Variants in ING1 observed in about 807,000 individuals in gnomAD.
ING1 encodes inhibitor of growth family member 1.
In ING1, 4 loss-of-function variants were observed where a neutral mutation model predicts 23.1. That is an observed-to-expected ratio of 0.17 (90% CI 0.09 to 0.40). ING1 has a LOEUF of 0.40. ING1 is among the 10% of genes least tolerant of loss of function. The pLI is 1.00. For synonymous variants in ING1, 179 were observed against 166.4 expected, an observed-to-expected ratio of 1.08 and a Z score of -0.58; for missense variants, 256 against 393.8, an observed-to-expected ratio of 0.65 and a Z score of 2.96.
intron 1 of ING1, chr13:110,715,678 GC>G: frequency 6.2e-7 from 1 of 1,605,090 alleles, no homozygotes; most frequent in Non-Finnish European, 8.5e-7. Flanking sequence ...GTGCTCTTCC[GC>G]CCTGCGGTGT....
rs1441153988 is a variant in ING1 at position 110,720,751 on chromosome 13, A to G, written c.*819A>G. The G allele has an allele frequency of 6.0e-6, 1 of 167,168 alleles. No homozygotes were observed. Among genetic ancestry groups the G allele is most frequent in the African/African-American group, 2.4e-5 (1 of 41,484 alleles). The allele number at this position is 167,168 out of a possible 1,614,324, so 10.4% of individuals were successfully genotyped here. ...AGCTGTAAAAATGTTACGTGAAGAA[A>G]TAAATGAAACTTGGCCAGTTTGTTC... is the stretch of plus-strand genomic sequence containing the variant. On this transcript the variant is annotated 3_prime_UTR_variant, in exon 2 of 2. Transcript: ENST00000333219.
At chr13:110,713,362 G>T (rs2064061181), upstream of ING1, 1 of 1,070,290 alleles carries the variant, frequency 9.3e-7, no homozygotes, top group Non-Finnish European at 1.1e-6. Context: ...TTTCAGCGAA[G>T]CAGGCCGCTC....
intron 1 of ING1, among the ~76,000 whole-genome samples, chr13:110,718,616 T>A (rs1357462474): frequency 6.6e-6 from 1 of 152,190 alleles, no homozygotes; most frequent in African/African-American, 2.4e-5. Flanking sequence ...AGCTATTATA[T>A]AAATTTATAC....
chr13:110,712,727 G>T (rs1005708358), upstream of ING1: 18 of 696,460 alleles, frequency 2.6e-5, no homozygotes, highest in Non-Finnish European at 4.5e-5. Flanking sequence ...TTCCAAGTGT[G>T]GGGAGCGGCC....
rs1243372930 is a variant in ING1 at position 110,722,263 on chromosome 13, A to G, written c.*2331A>G. ...TAAGAGTCTCGGGTGTTTAAATTTG[A>G]TGAGATTTACCCAAACAAATAGTGA... On this transcript the variant is annotated 3_prime_UTR_variant, in exon 2 of 2. Transcript: ENST00000333219. The G allele has an allele frequency of 6.6e-6, 1 of 152,198 alleles. No homozygotes were observed. The highest frequency in any genetic ancestry group is 1.5e-5 in the Non-Finnish European group (1 of 68,050). 9.4% of individuals were successfully genotyped at this position (152,198 alleles called of 1,614,324 possible).
chr13:110,714,364 C>G, intron 1 of ING1, 79 bp downstream of exon 1: 1 of 1,325,244 alleles, frequency 7.5e-7, no homozygotes, highest in Non-Finnish European at 9.7e-7. Flanking sequence ...CCGGGCCGGT[C>G]CTGCCGTGGA....
chr13:110,717,553 A>G (rs1309051855), intron 1 of ING1, among the ~76,000 whole-genome samples: 1 of 152,178 alleles, frequency 6.6e-6, no homozygotes, highest in Non-Finnish European at 1.5e-5. Flanking sequence ...TTGGCCAGGC[A>G]CGGTGGCTCA....
Position 110,720,054 on chromosome 13 carries a change from C to G in ING1, c.*122C>G. 3 of 722,236 alleles carry G rather than the reference C, an allele frequency of 4.2e-6. No homozygotes were observed. The highest frequency in any genetic ancestry group is 4.4e-6 in the Non-Finnish European group (2 of 456,572). 44.7% of individuals were successfully genotyped at this position (722,236 alleles called of 1,614,324 possible). ...TTTTAAAGAATGTTAGTAAAGGAAC[C>G]ATTCCTTTCATAGGGATGGCAGTGA... On this transcript the variant is annotated 3_prime_UTR_variant, in exon 2 of 2. Coordinates refer to ENST00000333219, the MANE Select transcript of ING1 (RefSeq NM_198219.3).
chr13:110,718,148 G>C (rs1324591015), intron 1 of ING1, among the ~76,000 whole-genome samples: 1 of 152,182 alleles, frequency 6.6e-6, no homozygotes, highest in African/African-American at 2.4e-5. Context: ...ACATTTTAAA[G>C]TCCATTGACT....
At position 110,719,272 on chromosome 13, in the gene ING1, C is replaced by T. The variant is rs921737582; in HGVS notation, c.180C>T (p.Arg60=). ...ACGAGTGCTACGAGCGCTTCAGTCG[C>T]GAGACAGACGGGGCGCAGAAGCGGC... ...ELDECYERFS[R]ETDGAQKRRM... The change falls in exon 2 of 2, where the codon CGC becomes CGT. Residue 60 remains arginine, a synonymous_variant. Coordinates refer to ENST00000333219, the MANE Select transcript of ING1 (RefSeq NM_198219.3). This position sits in a 1 kb window ranked among gnomAD's most constrained non-coding sequence, Gnocchi z 8.9. The T allele has an allele frequency of 1.9e-6, 3 of 1,612,418 alleles. No individual in the cohort carries two copies. The highest frequency in any genetic ancestry group is 2.5e-6 in the Non-Finnish European group (3 of 1,179,972).
intron 1 of ING1, chr13:110,715,838 C>A (rs761142165): frequency 1.9e-6 from 3 of 1,589,912 alleles, no homozygotes; most frequent in Non-Finnish European, 1.7e-6. Flanking sequence ...CCGCTCAGCC[C>A]GGCCACTTTC....
intron 1 of ING1, chr13:110,716,023 C>A: frequency 7.4e-6 from 11 of 1,490,028 alleles, no homozygotes; most frequent in Non-Finnish European, 9.7e-6. Context: ...GTGACTGGGG[C>A]TGCGTCCACG....
At chr13:110,716,105 C>A in intron 1 of ING1, 1 of 1,298,638 alleles carries the variant, frequency 7.7e-7, no homozygotes, top group Non-Finnish European at 1.0e-6. Context: ...GTGGGGTGAC[C>A]CTGGGGCTCC....
intron 1 of ING1, chr13:110,715,185 A>G: frequency 1.6e-6 from 2 of 1,226,618 alleles, no homozygotes; most frequent in Non-Finnish European, 2.0e-6. Flanking sequence ...AGGTCAGTCA[A>G]GGCTTTGGGG....
chr13:110,713,949 G>A lies in ING1; in HGVS notation c.-201G>A. On this transcript the variant is annotated 5_prime_UTR_variant, in exon 1 of 2. Coordinates refer to ENST00000333219, the MANE Select transcript of ING1 (RefSeq NM_198219.3). Reference sequence around the variant, plus strand: ...GGGAGCCACCGCCACCGCGGCCCGCGCCCTCAGGCGCTGGGGTCCCCGCGG... The same window carrying A: ...GGGAGCCACCGCCACCGCGGCCCGCACCCTCAGGCGCTGGGGTCCCCGCGG... 9.8e-7 allele frequency: 1 copy of A among 1,016,710 alleles called. No individual in the cohort carries two copies. The highest frequency in any genetic ancestry group is 1.2e-6 in the Non-Finnish European group (1 of 851,286). 63.0% of individuals were successfully genotyped at this position (1,016,710 alleles called of 1,614,324 possible).
intron 1 of ING1, chr13:110,715,798 G>A: frequency 6.3e-7 from 1 of 1,586,228 alleles, no homozygotes; most frequent in Non-Finnish European, 8.5e-7. Flanking sequence ...TTGGCTGGAG[G>A]CCTGGCGGGT....
chr13:110,712,956 T>C, upstream of ING1: 5 of 1,558,712 alleles, frequency 3.2e-6, no homozygotes, highest in Non-Finnish European at 4.3e-6. Flanking sequence ...CTGCTGGGAG[T>C]GGTGGTCCGG....
In ING1 at chr13:110,719,609, T is replaced by C; in HGVS notation, c.517T>C (p.Ser173Pro). The C allele has an allele frequency of 6.2e-7, 1 of 1,611,414 alleles. No homozygotes were observed. The highest frequency in any genetic ancestry group is 8.5e-7 in the Non-Finnish European group (1 of 1,179,406). Reference sequence around the variant, plus strand: ...CAACCACGACCACGACGACGGCGCCTCGGGCACACCCAAGGAGAAGAAGGC... The same window carrying C: ...CAACCACGACCACGACGACGGCGCCCCGGGCACACCCAAGGAGAAGAAGGC... ...SSNHDHDDGA[S>P]GTPKEKKAKT... The change falls in exon 2 of 2, where the codon TCG becomes CCG. Residue 173 changes from serine (S) to proline (P), a missense_variant. Coordinates refer to ENST00000333219, the MANE Select transcript of ING1 (RefSeq NM_198219.3). The surrounding 1 kb of genome is among the most constrained non-coding windows in gnomAD (Gnocchi z 8.9).
chr13:110,713,513 T>C, upstream of ING1: 2 of 986,426 alleles, frequency 2.0e-6, no homozygotes, highest in Non-Finnish European at 2.4e-6. Flanking sequence ...CCCTCGCCTC[T>C]GGAAAAAGTG....
Sources: allele counts gnomAD v4.1 joint callset (sites outside exome capture counted in the v4.1 genomes callset), GRCh38; gene constraint gnomAD v4.1.1; non-coding constraint Gnocchi (gnomAD v3.1); transcripts MANE v1.5; gene names NCBI Gene and HGNC (gene_info 2026-07-23, HGNC 2026-07-21).